The following RNF223 variants were observed in gnomAD, a reference collection of about 807,000 sequenced individuals.
The protein encoded by RNF223 is ring finger protein 223.
Under a neutral mutation model 13.9 loss-of-function variants are expected in RNF223, and 10 were observed. The observed-to-expected ratio is 0.72, with a 90% CI of 0.44 to 1.22. RNF223 has a LOEUF of 1.22. Among genes scored for constraint, RNF223 ranks in the 50% most tolerant of loss-of-function variants. The probability of loss-of-function intolerance (pLI) is 0.00; values close to 1 mark genes in which losing one functional copy is unlikely to be tolerated. For synonymous variants in RNF223, 168 were observed against 173.3 expected, an observed-to-expected ratio of 0.97 and a Z score of 0.24; for missense variants, 379 against 380.0, an observed-to-expected ratio of 1.00 and a Z score of 0.02.
Position 1,071,639 on chromosome 1 carries a change from G to A in RNF223, c.*178C>T, listed in dbSNP as rs2100727674. The A allele has an allele frequency of 5.6e-6, 3 of 538,816 alleles. No individual in the cohort carries two copies. In the South Asian group the frequency reaches 8.1e-5, roughly 15 times the overall value. The allele number at this position is 538,816 out of a possible 1,614,324, so 33.4% of individuals were successfully genotyped here. A position where few individuals can be genotyped will look rare whatever the true frequency, so the allele number is the denominator to read the frequency against. Reference sequence around the variant, plus strand: ...GGACCCAGCCTGGAGAATGAGGGGTGGACAAGCTAAATGGAGCCTGGTCTT... The same window carrying A: ...GGACCCAGCCTGGAGAATGAGGGGTAGACAAGCTAAATGGAGCCTGGTCTT... On this transcript the variant is annotated 3_prime_UTR_variant, in exon 2 of 2. Transcript: ENST00000453464.
In RNF223 at chr1:1,072,025, C is replaced by G; in HGVS notation, c.542G>C (p.Arg181Pro). The G allele has an allele frequency of 6.7e-7, 1 of 1,491,880 alleles. No individual in the cohort carries two copies. The highest frequency in any genetic ancestry group is 1.7e-4 in the Middle Eastern group (1 of 5,832). 92.4% of individuals were successfully genotyped at this position (1,491,880 alleles called of 1,614,324 possible). A position where few individuals can be genotyped will look rare whatever the true frequency, so the allele number is the denominator to read the frequency against. ...CGCCCAGCAGCGGGCCAGGCGGCCC[C>G]GGCGGGGGGCAGGGTCCCGGGCGGG... Reference protein sequence around the residue: ...PAPARDPAPRRGRLARCWARC... With the variant: ...PAPARDPAPRPGRLARCWARC... Residue 181 changes from arginine to proline, a missense_variant, in exon 2 of 2, where the codon CGG becomes CCG. Coordinates refer to ENST00000453464, the MANE Select transcript of RNF223 (RefSeq NM_001205252.2).
In RNF223 at chr1:1,071,610, G is replaced by T; in HGVS notation, c.*207C>A. ...CTTTGGGGATCCTCTTGTCCACCCC[G>T]TCAGGACCCAGCCTGGAGAATGAGG... is the stretch of plus-strand genomic sequence containing the variant. On this transcript the variant is annotated 3_prime_UTR_variant, in exon 2 of 2. Transcript: ENST00000453464. 1 of 499,690 alleles carries T rather than the reference G, an allele frequency of 2.0e-6. No homozygotes were observed. The highest frequency in any genetic ancestry group is 3.5e-6 in the Non-Finnish European group (1 of 287,154). The allele number at this position is 499,690 out of a possible 1,614,324, so 31.0% of individuals were successfully genotyped here. A position where few individuals can be genotyped will look rare whatever the true frequency, so the allele number is the denominator to read the frequency against.
rs1227624636 is a variant in RNF223, at chr1:1,072,406, C to T, written c.161G>A (p.Cys54Tyr). Residue 54 changes from cysteine to tyrosine, a missense_variant, in exon 2 of 2, where the codon TGT becomes TAT. Transcript: ENST00000453464. ...GAAGATGTTGTCATAGCCTGAGAAACAGATGGAGCACTCCAGGGGGGAGGC... is the reference window on the plus strand; with the variant it reads ...GAAGATGTTGTCATAGCCTGAGAAATAGATGGAGCACTCCAGGGGGGAGGC... The part of the protein sequence containing the change: ...RVASPLECSI[C>Y]FSGYDNIFKT... 1 of 1,479,838 alleles carries T rather than the reference C, an allele frequency of 6.8e-7. No individual in the cohort carries two copies. The highest frequency in any genetic ancestry group is 2.4e-5 in the Admixed American group (1 of 41,492). The allele number at this position is 1,479,838 out of a possible 1,614,324, so 91.7% of individuals were successfully genotyped here. A position where few individuals can be genotyped will look rare whatever the true frequency, so the allele number is the denominator to read the frequency against.
At position 1,071,265 on chromosome 1, in the gene RNF223, A is replaced by C. The variant is rs1570283238; in HGVS notation, c.*552T>G. Reference sequence around the variant, plus strand: ...TGCTCTCCTGGACCCTTCCTGTACGAGCCTGTTTTTTTTTGTTTTGTTTTG... The same window carrying C: ...TGCTCTCCTGGACCCTTCCTGTACGCGCCTGTTTTTTTTTGTTTTGTTTTG... On this transcript the variant is annotated 3_prime_UTR_variant, in exon 2 of 2. Coordinates refer to ENST00000453464, the MANE Select transcript of RNF223 (RefSeq NM_001205252.2). 6.6e-6 allele frequency: 1 copy of C among 150,820 alleles called. No individual in the cohort carries two copies. The highest frequency in any genetic ancestry group is 1.5e-5 in the Non-Finnish European group (1 of 68,034). 9.3% of individuals were successfully genotyped at this position (150,820 alleles called of 1,614,324 possible). A position where few individuals can be genotyped will look rare whatever the true frequency, so the allele number is the denominator to read the frequency against.
rs577323856 is a variant in RNF223, at chr1:1,071,603, C to A, written c.*214G>T. The A allele has an allele frequency of 1.6e-5, 8 of 488,336 alleles. No homozygotes were observed. In the East Asian group the frequency reaches 2.8e-4, roughly 17 times the overall value. The allele number at this position is 488,336 out of a possible 1,614,324, so 30.3% of individuals were successfully genotyped here. A position where few individuals can be genotyped will look rare whatever the true frequency, so the allele number is the denominator to read the frequency against. On this transcript the variant is annotated 3_prime_UTR_variant, in exon 2 of 2. Transcript: ENST00000453464. ...TTGGAGGCTTTGGGGATCCTCTTGT[C>A]CACCCCGTCAGGACCCAGCCTGGAG...
chr1:1,072,018 G>T lies in RNF223; in HGVS notation c.549C>A (p.Arg183=). The T allele has an allele frequency of 2.0e-6, 3 of 1,494,776 alleles. No individual in the cohort carries two copies. The highest frequency in any genetic ancestry group is 1.7e-4 in the Middle Eastern group (1 of 5,850). 92.6% of individuals were successfully genotyped at this position (1,494,776 alleles called of 1,614,324 possible). A position where few individuals can be genotyped will look rare whatever the true frequency, so the allele number is the denominator to read the frequency against. Residue 183 remains arginine, a synonymous_variant, in exon 2 of 2, where the codon CGC becomes CGA. Transcript: ENST00000453464. ...TGCAGCGCGCCCAGCAGCGGGCCAG[G>T]CGGCCCCGGCGGGGGGCAGGGTCCC... ...PARDPAPRRG[R]LARCWARCRD...
Position 1,071,839 on chromosome 1 carries a change from A to AG in RNF223, c.727dup (p.Leu243ProfsTer6). ...GCCCTAATTATCAGTCAGAGGCCCG[A>AG]GGGGGGAGGCGGCTGTGCTGGTGGC... is the stretch of plus-strand genomic sequence containing the variant. On this transcript the variant is annotated frameshift_variant, in exon 2 of 2. Coordinates refer to ENST00000453464, the MANE Select transcript of RNF223 (RefSeq NM_001205252.2). LOFTEE classifies it high-confidence loss of function. 6.9e-7 allele frequency: 1 copy of AG among 1,440,410 alleles called. No homozygotes were observed. The highest frequency in any genetic ancestry group is 1.5e-5 in the African/African-American group (1 of 64,532). 89.2% of individuals were successfully genotyped at this position (1,440,410 alleles called of 1,614,324 possible).
Position 1,072,089 on chromosome 1 carries a change from C to T in RNF223, c.478G>A (p.Val160Met), listed in dbSNP as rs1247569244. The T allele has an allele frequency of 3.8e-5, 58 of 1,513,318 alleles. No homozygotes were observed. The highest frequency in any genetic ancestry group is 4.9e-5 in the South Asian group (4 of 81,276). The allele number at this position is 1,513,318 out of a possible 1,614,324, so 93.7% of individuals were successfully genotyped here. A position where few individuals can be genotyped will look rare whatever the true frequency, so the allele number is the denominator to read the frequency against. The change falls in exon 2 of 2, where the codon GTG becomes ATG. Residue 160 changes from valine (V) to methionine (M), a missense_variant. Coordinates refer to ENST00000453464, the MANE Select transcript of RNF223 (RefSeq NM_001205252.2). ...TPGREPGFVC[V>M]DVGLSKPAEP... The stretch of plus-strand genomic sequence containing the variant: ...GCAGGCTTGCTCAAACCCACGTCCA[C>T]GCATACGAAACCGGGCTCGCGGCCA...
In RNF223 at chr1:1,071,048, G is replaced by C. The variant is rs1645633298; in HGVS notation, c.*769C>G. On this transcript the variant is annotated 3_prime_UTR_variant, in exon 2 of 2. Coordinates refer to ENST00000453464, the MANE Select transcript of RNF223 (RefSeq NM_001205252.2). Reference sequence around the variant, plus strand: ...GAAGTTTCTGTGGTTACCTTGCACTGGGGGGCTGCCCTGCCTCCACTCTCT... The same window carrying C: ...GAAGTTTCTGTGGTTACCTTGCACTCGGGGGCTGCCCTGCCTCCACTCTCT... The C allele has an allele frequency of 6.6e-6, 1 of 152,132 alleles. No homozygotes were observed. Among genetic ancestry groups the C allele is most frequent in the African/African-American group, 2.4e-5 (1 of 41,410 alleles). The allele number at this position is 152,132 out of a possible 1,614,324, so 9.4% of individuals were successfully genotyped here. A position where few individuals can be genotyped will look rare whatever the true frequency, so the allele number is the denominator to read the frequency against.
Position 1,071,981 on chromosome 1 carries a change from G to A in RNF223, c.586C>T (p.Arg196Cys), listed in dbSNP as rs769166737. 21 of 1,523,424 alleles carry A rather than the reference G, an allele frequency of 1.4e-5. No individual in the cohort carries two copies. In the South Asian group the frequency reaches 1.7e-4, roughly 12 times the overall value. 94.4% of individuals were successfully genotyped at this position (1,523,424 alleles called of 1,614,324 possible). ...RCWARCRDWR[R>C]MALVSALLLM... Reference sequence around the variant, plus strand: ...AGCAGGGCAGAGACCAGTGCCATGCGCCTCCAGTCCCTGCAGCGCGCCCAG... The same window carrying A: ...AGCAGGGCAGAGACCAGTGCCATGCACCTCCAGTCCCTGCAGCGCGCCCAG... The change falls in exon 2 of 2, where the codon CGC (arginine) becomes TGC (cysteine). Residue 196 changes from arginine to cysteine, a missense_variant. Physicochemically the swap from Arg to Cys is radical, Grantham distance 180. Coordinates refer to ENST00000453464, the MANE Select transcript of RNF223 (RefSeq NM_001205252.2).
chr1:1,072,053 C>A lies in RNF223; in HGVS notation c.514G>T (p.Ala172Ser), dbSNP rs185263154. Reference protein sequence around the residue: ...VGLSKPAEPPAPARDPAPRRG... With the variant: ...VGLSKPAEPPSPARDPAPRRG... The stretch of plus-strand genomic sequence containing the variant: ...CGGGGGGCAGGGTCCCGGGCGGGCG[C>A]GGGCGGCTCGGCAGGCTTGCTCAAA... Residue 172 changes from alanine to serine, a missense_variant, in exon 2 of 2, where the codon GCG becomes TCG. Transcript: ENST00000453464. 28 of 1,489,592 alleles carry A rather than the reference C, an allele frequency of 1.9e-5. No individual in the cohort carries two copies. The highest frequency in any genetic ancestry group is 2.4e-5 in the Non-Finnish European group (27 of 1,126,760). 92.3% of individuals were successfully genotyped at this position (1,489,592 alleles called of 1,614,324 possible).
rs562176182 is a variant in RNF223, at chr1:1,072,248, C to T, written c.319G>A (p.Val107Met). The change falls in exon 2 of 2, where the codon GTG (valine) becomes ATG (methionine). Residue 107 changes from valine to methionine, a missense_variant. Physicochemically the swap from Val to Met is conservative, Grantham distance 21. Transcript: ENST00000453464. ...AGCGCGGGGGCTCCGGCGGGCGGCACGGCCGTGGGCTGCCTGCAGAAGGGG... is the reference window on the plus strand; with the variant it reads ...AGCGCGGGGGCTCCGGCGGGCGGCATGGCCGTGGGCTGCCTGCAGAAGGGG... ...PCPFCRQPTA[V>M]PPAGAPALCT... 79 of 1,438,214 alleles carry T rather than the reference C, an allele frequency of 5.5e-5. 2 individuals carry two copies. In the South Asian group the frequency reaches 7.8e-4, roughly 14 times the overall value. 89.1% of individuals were successfully genotyped at this position (1,438,214 alleles called of 1,614,324 possible).
rs1012482925 is a variant in RNF223, at chr1:1,071,913, C to T, written c.654G>A (p.Ala218=). 2.0e-5 allele frequency: 30 copies of T among 1,534,128 alleles called. No individual in the cohort carries two copies. The highest frequency in any genetic ancestry group is 8.3e-5 in the South Asian group (7 of 83,930). The change falls in exon 2 of 2, where the codon GCG becomes GCA. Residue 218 remains alanine (A), a synonymous_variant. Transcript: ENST00000453464. The part of the protein sequence containing the change: ...FCVALWPVQC[A]LKTGNLRCLP... Reference sequence around the variant, plus strand: ...GGCAGCGCAGGTTCCCGGTCTTGAGCGCGCACTGCACCGGCCAGAGTGCCA... The same window carrying T: ...GGCAGCGCAGGTTCCCGGTCTTGAGTGCGCACTGCACCGGCCAGAGTGCCA...
At position 1,071,796 on chromosome 1, in the gene RNF223, C is replaced by A; in HGVS notation, c.*21G>T. On this transcript the variant is annotated 3_prime_UTR_variant, in exon 2 of 2. Coordinates refer to ENST00000453464, the MANE Select transcript of RNF223 (RefSeq NM_001205252.2). ...CATGGAGCTGGGCGAGGGCGGCTGA[C>A]CTGGGCAGAGGCTGCTGGCCCTAAT... 1 of 1,466,656 alleles carries A rather than the reference C, an allele frequency of 6.8e-7. No homozygotes were observed. Among genetic ancestry groups the A allele is most frequent in the Admixed American group, 2.3e-5 (1 of 44,102 alleles). The allele number at this position is 1,466,656 out of a possible 1,614,324, so 90.9% of individuals were successfully genotyped here.
chr1:1,071,872 C>CGGGGGGGGGTGGGGGGGGGGCGGGGGGCG lies in RNF223; in HGVS notation c.694_695insCGCCCCCCGCCCCCCCCCCACCCCCCCCC (p.Arg232ProfsTer25). 5.5e-6 allele frequency: 6 copies of CGGGGGGGGGTGGGGGGGGGGCGGGGGGCG among 1,098,428 alleles called. No homozygotes were observed. The highest frequency in any genetic ancestry group is 3.9e-5 in the East Asian group (1 of 25,318). 68.0% of individuals were successfully genotyped at this position (1,098,428 alleles called of 1,614,324 possible). On this transcript the variant is annotated frameshift_variant, in exon 2 of 2. Coordinates refer to ENST00000453464, the MANE Select transcript of RNF223 (RefSeq NM_001205252.2). LOFTEE classifies it high-confidence loss of function. The stretch of plus-strand genomic sequence containing the variant: ...GGCGGCTGTGCTGGTGGCCGGGGGC[C>CGGGGGGGGGTGGGGGGGGGGCGGGGGGCG]GGGGGGGCAGGGGCAGGCAGCGCAG...
Position 1,071,720 on chromosome 1 carries a change from A to C in RNF223, c.*97T>G. ...CCAGGCTCCTTTCGCGTCCTCGGGGACCGACTTCCAGTGGCTGCTGTGCCC... is the reference window on the plus strand; with the variant it reads ...CCAGGCTCCTTTCGCGTCCTCGGGGCCCGACTTCCAGTGGCTGCTGTGCCC... On this transcript the variant is annotated 3_prime_UTR_variant, in exon 2 of 2. Transcript: ENST00000453464. 9.0e-7 allele frequency: 1 copy of C among 1,109,422 alleles called. No individual in the cohort carries two copies. Among genetic ancestry groups the C allele is most frequent in the Non-Finnish European group, 1.2e-6 (1 of 821,616 alleles). 68.7% of individuals were successfully genotyped at this position (1,109,422 alleles called of 1,614,324 possible).
chr1:1,073,145 T>A (rs2100728851), intron 1 of RNF223, among the ~76,000 whole-genome samples: 1 of 152,260 alleles, frequency 6.6e-6, no homozygotes, highest in East Asian at 1.9e-4. Flanking sequence ...TGAACTCAGA[T>A]CCCAGGATGG....
Position 1,071,789 on chromosome 1 carries a change from C to T in RNF223, c.*28G>A, listed in dbSNP as rs997655969. 40 of 1,427,212 alleles carry T rather than the reference C, an allele frequency of 2.8e-5. No homozygotes were observed. Among genetic ancestry groups the T allele is most frequent in the East Asian group, 5.7e-5 (2 of 35,186 alleles). 88.4% of individuals were successfully genotyped at this position (1,427,212 alleles called of 1,614,324 possible). A position where few individuals can be genotyped will look rare whatever the true frequency, so the allele number is the denominator to read the frequency against. ...GACGCCCCATGGAGCTGGGCGAGGG[C>T]GGCTGACCTGGGCAGAGGCTGCTGG... On this transcript the variant is annotated 3_prime_UTR_variant, in exon 2 of 2. Transcript: ENST00000453464.
chr1:1,073,637 G>A (rs918772816), intron 1 of RNF223, among the ~76,000 whole-genome samples: 3 of 152,140 alleles, frequency 2.0e-5, no homozygotes, highest in South Asian at 2.1e-4. Context: ...CCCAGGATCC[G>A]CTGCAGGGAG....
Sources: gnomAD v4.1 joint callset for allele counts (sites outside exome capture counted in the v4.1 genomes callset) on GRCh38, gnomAD v4.1.1 for gene constraint, MANE v1.5 for transcripts, NCBI Gene and HGNC (gene_info 2026-07-23, HGNC 2026-07-21) for gene names.